The following CREB5 variants were observed in gnomAD, a reference collection of about 807,000 sequenced individuals.
CREB5 encodes the protein cyclic AMP-responsive element-binding protein 5.
A neutral mutation model predicts 57.1 loss-of-function variants in CREB5; 19 were observed. The observed-to-expected ratio is 0.33, with a 90% CI of 0.23 to 0.49. The LOEUF is 0.49. Ranked by LOEUF, CREB5 falls within the 20% of genes least tolerant of loss-of-function variation. The pLI is 0.99. For synonymous variants in CREB5, 238 were observed against 238.3 expected, an observed-to-expected ratio of 1.00 and a Z score of 0.01; for missense variants, 579 against 671.6, an observed-to-expected ratio of 0.86 and a Z score of 1.52.
At chr7:28,732,896 A>G (rs1253751650) in intron 7 of CREB5, among the ~76,000 whole-genome samples, 1 of 151,262 alleles carries the variant, frequency 6.6e-6, no homozygotes, top group Non-Finnish European at 1.5e-5. Flanking sequence ...TTAAACTACG[A>G]AGAGTATGTT....
intron 1 of CREB5, among the ~76,000 whole-genome samples, chr7:28,314,568 A>G (rs1282340430): frequency 4.6e-5 from 7 of 152,222 alleles, no homozygotes; most frequent in Admixed American, 4.6e-4. Context: ...ATTGTGATAT[A>G]TAATGTGAAG....
chr7:28,763,847 G>A (rs1408728295), intron 7 of CREB5, among the ~76,000 whole-genome samples: 4 of 151,276 alleles, frequency 2.6e-5, no homozygotes, highest in African/African-American at 9.7e-5. Context: ...TGTCACCAAG[G>A]CTGGAGTACA....
chr7:28,571,290 G>A (rs940609716), intron 5 of CREB5, among the ~76,000 whole-genome samples: 6 of 152,162 alleles, frequency 3.9e-5, no homozygotes, highest in African/African-American at 7.2e-5. Context: ...ACTGTAGAAA[G>A]CAAAACCACG....
At chr7:28,467,903 G>C (rs1291508926) in intron 1 of CREB5, among the ~76,000 whole-genome samples, 1 of 152,180 alleles carries the variant, frequency 6.6e-6, no homozygotes, top group Non-Finnish European at 1.5e-5. Context: ...AGTTCTCTAT[G>C]AGGAGGAATC....
intron 7 of CREB5, among the ~76,000 whole-genome samples, chr7:28,769,073 G>A (rs764812673): frequency 2.0e-5 from 3 of 152,144 alleles, no homozygotes; most frequent in Non-Finnish European, 4.4e-5. Flanking sequence ...ATTTATTTGG[G>A]GTCTGAATGA....
chr7:28,422,583 A>G (rs1313976349), intron 1 of CREB5, among the ~76,000 whole-genome samples: 2 of 152,200 alleles, frequency 1.3e-5, no homozygotes, highest in Non-Finnish European at 2.9e-5. Context: ...GAATGAAAAA[A>G]TGTCTGGGCT....
intron 5 of CREB5, among the ~76,000 whole-genome samples, chr7:28,699,456 G>A (rs1801735017): frequency 6.6e-6 from 1 of 152,138 alleles, no homozygotes; most frequent in Non-Finnish European, 1.5e-5. Context: ...AGGTAGGAGT[G>A]TGCTCTCTGG....
intron 1 of CREB5, among the ~76,000 whole-genome samples, chr7:28,343,640 T>C (rs1181079018): frequency 1.3e-5 from 2 of 152,224 alleles, no homozygotes; most frequent in East Asian, 3.8e-4. Flanking sequence ...AACACTTAGG[T>C]TGATTTCATA....
chr7:28,570,572 G>C (rs781121756), intron 5 of CREB5, 35 bp downstream of exon 5: 8 of 1,598,720 alleles, frequency 5.0e-6, no homozygotes, highest in Non-Finnish European at 6.8e-6. Flanking sequence ...CTGGGTCCTG[G>C]CTGGAACTCA....
intron 1 of CREB5, among the ~76,000 whole-genome samples, chr7:28,373,142 G>A (rs577799441): frequency 7.2e-5 from 11 of 152,234 alleles, no homozygotes; most frequent in Non-Finnish European, 1.3e-4. Flanking sequence ...TAAGACCTGC[G>A]TTCTATCCCC....
chr7:28,716,944 T>C (rs1802721992), intron 5 of CREB5, among the ~76,000 whole-genome samples: 1 of 152,222 alleles, frequency 6.6e-6, no homozygotes, highest in African/African-American at 2.4e-5. Context: ...TAGCACTTCA[T>C]CTGCTTATCC....
At chr7:28,300,146 C>G (rs1054437256) in intron 1 of CREB5, among the ~76,000 whole-genome samples, 1 of 151,658 alleles carries the variant, frequency 6.6e-6, no homozygotes, top group Non-Finnish European at 1.5e-5. Context: ...GGGATGCTCA[C>G]CTTGTCAAAC....
chr7:28,514,520 A>C (rs1412245231), intron 4 of CREB5, among the ~76,000 whole-genome samples: 1 of 151,986 alleles, frequency 6.6e-6, no homozygotes, highest in Non-Finnish European at 1.5e-5. Flanking sequence ...CTCAGCCTCC[A>C]GAGTAGCTGG....
chr7:28,614,595 CCT>C (rs2128680087), intron 5 of CREB5, among the ~76,000 whole-genome samples: 1 of 152,264 alleles, frequency 6.6e-6, no homozygotes, highest in East Asian at 1.9e-4. Context: ...CTTCCAAAAA[CCT>C]CTTACTTTCG....
intron 5 of CREB5, among the ~76,000 whole-genome samples, chr7:28,632,263 C>G (rs1798233068): frequency 6.6e-6 from 1 of 152,190 alleles, no homozygotes; most frequent in African/African-American, 2.4e-5. Flanking sequence ...TACCAAGGAA[C>G]AGAACTTCCT....
intron 5 of CREB5, among the ~76,000 whole-genome samples, chr7:28,583,502 G>A (rs1391072942): frequency 1.3e-5 from 2 of 152,098 alleles, no homozygotes; most frequent in Non-Finnish European, 2.9e-5. Context: ...CAATCTCTCA[G>A]GAAAGGGTAG....
rs551226500 is a variant in CREB5 at position 28,605,793 on chromosome 7, C to T, written c.464+35256C>T. On this transcript the variant is annotated intron_variant, in intron 5 of 10. Coordinates refer to ENST00000357727, the MANE Select transcript of CREB5 (RefSeq NM_182898.4). ...AAGCCAGACACAAGAGTGCTTCGGT[C>T]CTTGATTCCACTGACATGAAACCCT... 4.9e-4 allele frequency among the ~76,000 whole-genome samples: 75 copies of T among 152,026 alleles called. No homozygotes were observed. In the East Asian group the frequency reaches 0.014, roughly 27 times the overall value.
intron 5 of CREB5, among the ~76,000 whole-genome samples, chr7:28,709,621 T>C (rs990870446): frequency 6.6e-6 from 1 of 151,842 alleles, no homozygotes; most frequent in Non-Finnish European, 1.5e-5. Flanking sequence ...TCCAGCAGGA[T>C]GCAGATCTGT....
intron 4 of CREB5, among the ~76,000 whole-genome samples, chr7:28,558,624 A>G (rs1357879642): frequency 6.6e-6 from 1 of 152,156 alleles, no homozygotes; most frequent in Non-Finnish European, 1.5e-5. Context: ...AGCAATTTCA[A>G]CTTAGCCAGC....
Sources: allele counts gnomAD v4.1 joint callset (sites outside exome capture counted in the v4.1 genomes callset), GRCh38; gene constraint gnomAD v4.1.1; transcripts MANE v1.5; gene names NCBI Gene and HGNC (gene_info 2026-07-23, HGNC 2026-07-21).